CLVS1: variants seen among roughly 807,000 people sequenced by gnomAD.
CLVS1 encodes the protein clavesin-1.
Under a neutral mutation model 33.1 loss-of-function variants are expected in CLVS1, and 10 were observed. That is an observed-to-expected ratio of 0.30 (90% CI 0.19 to 0.51). The LOEUF (loss-of-function observed/expected upper bound fraction) is 0.51, where lower values mean the gene tolerates loss of function less well. Among genes scored for constraint, CLVS1 ranks in the 20% least tolerant of loss-of-function variants. The pLI, the probability that CLVS1 is intolerant of heterozygous loss-of-function variation, is 0.97. For synonymous variants in CLVS1, 163 were observed against 166.1 expected (o/e 0.98, Z 0.14); for missense variants, 343 against 433.4 (o/e 0.79, Z 1.85).
chr8:61,086,962 G>T (rs1006083030), intron 1 of CLVS1, among the ~76,000 whole-genome samples: 5 of 152,192 alleles, frequency 3.3e-5, no homozygotes, highest in African/African-American at 1.2e-4. Flanking sequence ...TGCTGTGCTG[G>T]TATAATGCCA....
At chr8:61,147,398 G>A (rs537454467) in intron 2 of CLVS1, among the ~76,000 whole-genome samples, 1 of 152,220 alleles carries the variant, frequency 6.6e-6, no homozygotes, top group Non-Finnish European at 1.5e-5. Flanking sequence ...TCAACTAGGG[G>A]AATACATAGT....
At chr8:61,177,759 T>C (rs1451371416) in intron 2 of CLVS1, among the ~76,000 whole-genome samples, 1 of 150,486 alleles carries the variant, frequency 6.6e-6, no homozygotes, top group East Asian at 2.0e-4. Context: ...GACCTGACTA[T>C]TGAAAGAAAA....
At chr8:61,144,156 C>G (rs964652976) in intron 2 of CLVS1, among the ~76,000 whole-genome samples, 34 of 152,034 alleles carry the variant, frequency 2.2e-4, no homozygotes, top group Non-Finnish European at 3.5e-4. Context: ...ACCCATCAAC[C>G]CATCACCTAC....
rs554253179 is a variant in CLVS1, at chr8:61,342,468, C to T, written c.456-34137C>T. Among the ~76,000 whole-genome samples the T allele has an allele frequency of 1.1e-4, 17 of 152,322 alleles. No homozygotes were observed. In the South Asian group the frequency reaches 3.5e-3, roughly 32 times the overall value. On this transcript the variant is annotated intron_variant, in intron 2 of 5. Coordinates refer to ENST00000325897, the MANE Select transcript of CLVS1 (RefSeq NM_173519.3). ...GAGAAGCGCTTGTCTGCCTTGCTCT[C>T]TATCTTGCGCGCCATTCCGCTTTTC...
chr8:61,208,924 C>T (rs1251662805), intron 2 of CLVS1, among the ~76,000 whole-genome samples: 1 of 152,128 alleles, frequency 6.6e-6, no homozygotes, highest in Non-Finnish European at 1.5e-5. Flanking sequence ...CATAAATCCT[C>T]TTGGATTCCT....
At chr8:61,236,329 G>A (rs1377386862) in intron 2 of CLVS1, among the ~76,000 whole-genome samples, 1 of 152,206 alleles carries the variant, frequency 6.6e-6, no homozygotes, top group Non-Finnish European at 1.5e-5. Context: ...TGTGATGACA[G>A]TGCCAATTAA....
At chr8:61,018,116 T>C in the CLVS1 span, among the ~76,000 whole-genome samples, 1 of 152,150 alleles carries the variant, frequency 6.6e-6, no homozygotes, top group African/African-American at 2.4e-5. Flanking sequence ...TCTCACATCA[T>C]TGGCAAGAAT....
At chr8:61,468,718 A>AT (rs1817638123) in intron 5 of CLVS1, among the ~76,000 whole-genome samples, 1 of 17,676 alleles carries the variant, frequency 5.7e-5, no homozygotes, top group Non-Finnish European at 3.7e-4. Context: ...AAAAGTACTA[A>AT]AAAAAAAAAA....
intron 2 of CLVS1, among the ~76,000 whole-genome samples, chr8:61,189,835 T>C (rs998146042): frequency 1.3e-5 from 2 of 152,180 alleles, no homozygotes; most frequent in Non-Finnish European, 2.9e-5. Flanking sequence ...ATCCTAAATA[T>C]CTATGCACCC....
intron 2 of CLVS1, among the ~76,000 whole-genome samples, chr8:61,191,279 T>C (rs998716680): frequency 2.0e-5 from 3 of 152,154 alleles, no homozygotes; most frequent in African/African-American, 4.8e-5. Context: ...AAAAACCACA[T>C]GATTATCTCA....
intron 3 of CLVS1, among the ~76,000 whole-genome samples, chr8:61,386,980 A>T (rs897024395): frequency 7.2e-5 from 11 of 152,254 alleles, no homozygotes; most frequent in Admixed American, 3.9e-4. Context: ...TTTGAGGCCA[A>T]CTAAAGACCT....
chr8:61,228,024 A>C (rs1283748916), intron 2 of CLVS1, among the ~76,000 whole-genome samples: 1 of 152,234 alleles, frequency 6.6e-6, no homozygotes, highest in Admixed American at 6.5e-5. Context: ...GAGTGCCCTT[A>C]GAAAGTGGAG....
chr8:61,366,071 A>G (rs1377293870), intron 2 of CLVS1, among the ~76,000 whole-genome samples: 3 of 152,148 alleles, frequency 2.0e-5, no homozygotes. Context: ...TTAATTTTTT[A>G]TATTTGTTTA....
chr8:61,250,363 C>A (rs1047518754), intron 2 of CLVS1, among the ~76,000 whole-genome samples: 1 of 152,168 alleles, frequency 6.6e-6, no homozygotes, highest in African/African-American at 2.4e-5. Flanking sequence ...ATGCCTTCAG[C>A]TTTGTTCTTT....
chr8:60,976,239 G>T, the CLVS1 span, among the ~76,000 whole-genome samples: 1 of 152,128 alleles, frequency 6.6e-6, no homozygotes, highest in African/African-American at 2.4e-5. Flanking sequence ...TTTAATCCCT[G>T]ATGAGAGACT....
intron 2 of CLVS1, among the ~76,000 whole-genome samples, chr8:61,168,731 C>T (rs189230412): frequency 6.6e-6 from 1 of 152,272 alleles, no homozygotes; most frequent in East Asian, 1.9e-4. Flanking sequence ...GCTAGTCAAC[C>T]TAATAAATAA....
chr8:61,240,429 G>A (rs1363659045), intron 2 of CLVS1, among the ~76,000 whole-genome samples: 2 of 152,038 alleles, frequency 1.3e-5, no homozygotes, highest in African/African-American at 4.8e-5. Context: ...CTCCACAATA[G>A]CCCTCTGCCC....
At chr8:61,334,382 A>G (rs1209472432) in intron 2 of CLVS1, among the ~76,000 whole-genome samples, 1 of 152,166 alleles carries the variant, frequency 6.6e-6, no homozygotes. Context: ...GGAAATTTGG[A>G]GGGTCTGTGT....
intron 2 of CLVS1, among the ~76,000 whole-genome samples, chr8:61,317,306 T>C (rs985498253): frequency 3.9e-5 from 6 of 152,074 alleles, no homozygotes; most frequent in African/African-American, 1.4e-4. Context: ...GGCAAGTGAG[T>C]CAAATGCTGG....
Sources: allele counts gnomAD v4.1 joint callset (sites outside exome capture counted in the v4.1 genomes callset), GRCh38; gene constraint gnomAD v4.1.1; transcripts MANE v1.5; gene names NCBI Gene and HGNC (gene_info 2026-07-23, HGNC 2026-07-21).